TBC1D14: variants seen among roughly 807,000 people sequenced by gnomAD.
TBC1D14 encodes the protein TBC1 domain family member 14.
Under a neutral mutation model 79.0 loss-of-function variants are expected in TBC1D14, and 26 were observed. The observed-to-expected ratio is 0.33, with a 90% CI of 0.24 to 0.46. The LOEUF (loss-of-function observed/expected upper bound fraction) is 0.46. Among genes scored for constraint, TBC1D14 ranks in the 20% least tolerant of loss-of-function variants. The pLI, the probability that TBC1D14 is intolerant of heterozygous loss-of-function variation, is 1.00. For missense variants in TBC1D14, 769 were observed against 887.6 expected, an observed-to-expected ratio of 0.87 and a Z score of 1.70; for synonymous variants, 394 against 349.9, an observed-to-expected ratio of 1.13 and a Z score of -1.40.
At chr4:6,919,051 C>A (rs879360711) in intron 1 of TBC1D14, among the ~76,000 whole-genome samples, 3 of 151,914 alleles carry the variant, frequency 2.0e-5, no homozygotes, top group African/African-American at 4.8e-5. Context: ...CGTGTTCACG[C>A]GTAGGGAGGC....
At chr4:6,937,233 A>C (rs544571195) in intron 2 of TBC1D14, among the ~76,000 whole-genome samples, 3 of 152,338 alleles carry the variant, frequency 2.0e-5, no homozygotes, top group East Asian at 3.9e-4. Flanking sequence ...AAAATTTTAA[A>C]CATAATATTG....
chr4:7,014,664 T>G, intron 12 of TBC1D14, 107 bp downstream of exon 12: 1 of 750,580 alleles, frequency 1.3e-6, no homozygotes, highest in East Asian at 2.7e-5. Flanking sequence ...CCTCATATCC[T>G]GCTTTCCAGC....
intron 3 of TBC1D14, chr4:6,987,252 C>A (rs1560311365): frequency 7.9e-7 from 1 of 1,270,896 alleles, no homozygotes; most frequent in Non-Finnish European, 9.9e-7. Context: ...CGCGTCCGCC[C>A]GCCCGCCCGC....
At chr4:7,007,677 G>A in intron 9 of TBC1D14, 6 of 1,149,572 alleles carry the variant, frequency 5.2e-6, no homozygotes, top group Non-Finnish European at 6.9e-6. Flanking sequence ...AGTTGACTTA[G>A]CTGGGAGCCT....
chr4:6,975,766 G>A (rs1216938460), intron 3 of TBC1D14, among the ~76,000 whole-genome samples: 1 of 152,180 alleles, frequency 6.6e-6, no homozygotes, highest in Non-Finnish European at 1.5e-5. Context: ...GATGGTAGAG[G>A]AAAGAGTGAA....
chr4:6,992,283 C>A (rs367621674), intron 3 of TBC1D14, among the ~76,000 whole-genome samples: 1 of 152,228 alleles, frequency 6.6e-6, no homozygotes, highest in Non-Finnish European at 1.5e-5. Flanking sequence ...ACACCTAAGC[C>A]GTGTAGGACT....
At chr4:7,006,227 A>C (rs947363418) in intron 8 of TBC1D14, among the ~76,000 whole-genome samples, 2 of 152,144 alleles carry the variant, frequency 1.3e-5, no homozygotes, top group African/African-American at 4.8e-5. Flanking sequence ...AATAGTTTCT[A>C]CATCTAGTGA....
intron 13 of TBC1D14, among the ~76,000 whole-genome samples, chr4:7,027,880 T>C (rs1488123765): frequency 8.6e-6 from 1 of 115,608 alleles, no homozygotes; most frequent in Non-Finnish European, 1.8e-5. Context: ...TGCACACACA[T>C]TGCACACCCA....
intron 2 of TBC1D14, among the ~76,000 whole-genome samples, chr4:6,924,437 C>T (rs1271901310): frequency 1.3e-5 from 2 of 152,158 alleles, no homozygotes; most frequent in Non-Finnish European, 2.9e-5. Flanking sequence ...CATAACTTAA[C>T]GTTTCTTGGG....
chr4:6,925,071 G>T (rs1317657272), intron 2 of TBC1D14, among the ~76,000 whole-genome samples: 3 of 152,056 alleles, frequency 2.0e-5, no homozygotes. Flanking sequence ...GGTGGGTGGA[G>T]CACCTGAGGT....
At chr4:6,920,938 G>T (rs1304823837) in intron 1 of TBC1D14, among the ~76,000 whole-genome samples, 1 of 152,112 alleles carries the variant, frequency 6.6e-6, no homozygotes, top group Non-Finnish European at 1.5e-5. Flanking sequence ...GCCACCACGT[G>T]CAGCTAATTT....
intron 7 of TBC1D14, among the ~76,000 whole-genome samples, chr4:7,002,343 T>C (rs1473073344): frequency 1.3e-5 from 2 of 152,262 alleles, no homozygotes; most frequent in African/African-American, 2.4e-5. Context: ...GAGAAATTAC[T>C]GAGCATTTAT....
At chr4:7,014,813 T>G (rs1379653506) in intron 12 of TBC1D14, among the ~76,000 whole-genome samples, 1 of 152,242 alleles carries the variant, frequency 6.6e-6, no homozygotes, top group African/African-American at 2.4e-5. Flanking sequence ...GGACCCGTCC[T>G]AAGCACCCGG....
At chr4:6,954,098 TG>T in intron 2 of TBC1D14, 1 of 584,024 alleles carries the variant, frequency 1.7e-6, no homozygotes, top group Non-Finnish European at 3.1e-6. Flanking sequence ...TCCCTGTGAC[TG>T]GGGAGGCCCG....
chr4:6,944,480 G>C (rs1389697451), intron 2 of TBC1D14, among the ~76,000 whole-genome samples: 2 of 152,178 alleles, frequency 1.3e-5, no homozygotes, highest in Non-Finnish European at 2.9e-5. Flanking sequence ...TTCATGACCA[G>C]CGTCTCGGGC....
intron 12 of TBC1D14, among the ~76,000 whole-genome samples, chr4:7,023,145 T>A (rs576884965): frequency 3.3e-5 from 5 of 152,234 alleles, no homozygotes; most frequent in African/African-American, 1.2e-4. Context: ...TCCCAGCTAC[T>A]TGGGAGGCTG....
At chr4:6,958,374 T>TACACACACACACACAC (rs529020444) in intron 2 of TBC1D14, among the ~76,000 whole-genome samples, 16 of 42,298 alleles carry the variant, frequency 3.8e-4, no homozygotes, top group African/African-American at 1.9e-3. Flanking sequence ...GATCCCCACA[T>TACACACACACACACAC]ATACACACAC....
intron 12 of TBC1D14, among the ~76,000 whole-genome samples, chr4:7,015,478 C>T (rs1362955489): frequency 6.6e-6 from 1 of 152,044 alleles, no homozygotes; most frequent in Non-Finnish European, 1.5e-5. Context: ...GAGGTGCCTG[C>T]GGGACATGTG....
intron 2 of TBC1D14, among the ~76,000 whole-genome samples, chr4:6,961,682 T>C (rs971311294): frequency 3.3e-5 from 5 of 152,070 alleles, no homozygotes; most frequent in Admixed American, 3.3e-4. Flanking sequence ...GCTGGCGTGG[T>C]CCACTTGTGC....
Sources: allele counts gnomAD v4.1 joint callset (sites outside exome capture counted in the v4.1 genomes callset), GRCh38; gene constraint gnomAD v4.1.1; transcripts MANE v1.5; gene names NCBI Gene and HGNC (gene_info 2026-07-23, HGNC 2026-07-21).